Variants in SDK1 observed in about 807,000 individuals in gnomAD.
The protein encoded by SDK1 is sidekick cell adhesion molecule 1, also known as protein sidekick-1.
In SDK1, 157 loss-of-function variants were observed where a neutral mutation model predicts 245.5. The ratio of observed to expected loss-of-function variants is 0.64; its 90% CI spans 0.56 to 0.73. SDK1 has a LOEUF of 0.73. Ranked by LOEUF, SDK1 falls within the 30% of genes least tolerant of loss-of-function variation. The pLI is 0.00. For synonymous variants in SDK1, 1,647 were observed against 1,278.5 expected (o/e 1.29, Z -6.15); for missense variants, 3,583 against 3,002.3 (o/e 1.19, Z -4.52).
chr7:3,736,363 G>T (rs1385618920), intron 4 of SDK1, among the ~76,000 whole-genome samples: 1 of 152,138 alleles, frequency 6.6e-6, no homozygotes, highest in East Asian at 1.9e-4. Context: ...GCACGTCTCG[G>T]CTCACTGCGA....
chr7:3,870,765 G>C (rs992663738), intron 5 of SDK1, among the ~76,000 whole-genome samples: 4 of 152,044 alleles, frequency 2.6e-5, no homozygotes, highest in Non-Finnish European at 4.4e-5. Context: ...AGTTTATGTA[G>C]ATTTTACCCA....
chr7:3,712,464 A>G (rs1785076447), intron 4 of SDK1, among the ~76,000 whole-genome samples: 1 of 152,222 alleles, frequency 6.6e-6, no homozygotes, highest in African/African-American at 2.4e-5. Context: ...ACAGTGTAAT[A>G]ATAATAGAAT....
intron 1 of SDK1, among the ~76,000 whole-genome samples, chr7:3,442,810 G>GT (rs1231028163): frequency 6.6e-6 from 1 of 152,132 alleles, no homozygotes; most frequent in Non-Finnish European, 1.5e-5. Context: ...AATGTAAACT[G>GT]TTGAGTGAAC....
intron 2 of SDK1, among the ~76,000 whole-genome samples, chr7:3,625,000 T>C (rs561918459): frequency 2.6e-5 from 4 of 152,174 alleles, no homozygotes; most frequent in Middle Eastern, 3.4e-3. Flanking sequence ...GATCATGCCA[T>C]TGCACTCCAG....
intron 17 of SDK1, among the ~76,000 whole-genome samples, chr7:4,035,163 T>G (rs1788125346): frequency 6.6e-6 from 1 of 151,790 alleles, no homozygotes. Flanking sequence ...TTTCTTATCT[T>G]TAGTAGAGAT....
chr7:4,168,344 C>T (rs573937603), intron 32 of SDK1, among the ~76,000 whole-genome samples: 6 of 152,346 alleles, frequency 3.9e-5, no homozygotes, highest in Non-Finnish European at 5.9e-5. Context: ...CGGTGGCTGA[C>T]GGACACTGTG....
At chr7:3,730,490 T>C (rs577437646) in intron 4 of SDK1, among the ~76,000 whole-genome samples, 2 of 152,110 alleles carry the variant, frequency 1.3e-5, no homozygotes, top group Admixed American at 6.5e-5. Context: ...CAGAAGGTAA[T>C]AGAGATGTGA....
chr7:3,641,906 C>T lies in SDK1; in HGVS notation c.566-52C>T, dbSNP rs181771378. 8 of 1,518,090 alleles carry T rather than the reference C, an allele frequency of 5.3e-6. No individual in the cohort carries two copies. The African/African-American group carries it at 6.9e-5, about 13-fold the overall frequency. 94.0% of individuals were successfully genotyped at this position (1,518,090 alleles called of 1,614,324 possible). A position where few individuals can be genotyped will look rare whatever the true frequency, so the allele number is the denominator to read the frequency against. On this transcript the variant is annotated intron_variant, in intron 3 of 44. Coordinates refer to ENST00000404826, the MANE Select transcript of SDK1 (RefSeq NM_152744.4). ...ACCTGTTTCCATCTGTGACCCCTTC[C>T]CTCCCCCAAAAATGTTTTCTAGAAC... is the stretch of plus-strand genomic sequence containing the variant.
chr7:4,189,357 G>A (rs922530886), intron 35 of SDK1, among the ~76,000 whole-genome samples: 3 of 152,158 alleles, frequency 2.0e-5, no homozygotes, highest in Non-Finnish European at 2.9e-5. Context: ...TGGTTACTCA[G>A]GCATGTTAAA....
rs1470096397 is a variant in SDK1, at chr7:3,607,594, A to G, written c.299-11486A>G. Among the ~76,000 whole-genome samples the G allele has an allele frequency of 4.6e-5, 7 of 152,252 alleles. No homozygotes were observed. In the South Asian group the frequency reaches 1.0e-3, roughly 22 times the overall value. On this transcript the variant is annotated intron_variant, in intron 1 of 44. Coordinates refer to ENST00000404826, the MANE Select transcript of SDK1 (RefSeq NM_152744.4). Reference sequence around the variant, plus strand: ...ATCAAACCAATATCTAGACTTCTCTAGAATTCTGAAGTAATTGAAAGTATG... The same window carrying G: ...ATCAAACCAATATCTAGACTTCTCTGGAATTCTGAAGTAATTGAAAGTATG...
intron 1 of SDK1, among the ~76,000 whole-genome samples, chr7:3,608,398 A>G (rs75151964): frequency 0.031 from 4,770 of 152,248 alleles, 225 homozygotes; most frequent in African/African-American, 0.1. Flanking sequence ...CAGAAAAACT[A>G]TGGTAATTTA....
chr7:3,583,516 G>T (rs181439637), intron 1 of SDK1, among the ~76,000 whole-genome samples: 1 of 152,160 alleles, frequency 6.6e-6, no homozygotes, highest in African/African-American at 2.4e-5. Flanking sequence ...ATCTTGAGAG[G>T]TTGCATCTGT....
chr7:4,090,273 G>T (rs568128133), intron 22 of SDK1, among the ~76,000 whole-genome samples: 26 of 152,112 alleles, frequency 1.7e-4, no homozygotes, highest in African/African-American at 5.6e-4. Flanking sequence ...TCTCTTTCCA[G>T]TCTCATCCAC....
chr7:4,079,149 C>A (rs1780895146), intron 21 of SDK1, among the ~76,000 whole-genome samples: 1 of 152,198 alleles, frequency 6.6e-6, no homozygotes, highest in Non-Finnish European at 1.5e-5. Context: ...ATTCAGCCAG[C>A]ATCTGTTAAT....
intron 1 of SDK1, among the ~76,000 whole-genome samples, chr7:3,550,320 G>C (rs1237698863): frequency 6.6e-6 from 1 of 152,028 alleles, no homozygotes; most frequent in Non-Finnish European, 1.5e-5. Context: ...GTAGTCATTT[G>C]CGTTTTCTTC....
chr7:3,562,458 A>T (rs771964123), intron 1 of SDK1, among the ~76,000 whole-genome samples: 2 of 152,174 alleles, frequency 1.3e-5, no homozygotes, highest in Non-Finnish European at 2.9e-5. Flanking sequence ...AAAGAATAAA[A>T]GCTAGAGGGA....
chr7:3,885,585 C>T (rs993355729), intron 5 of SDK1, among the ~76,000 whole-genome samples: 1 of 152,184 alleles, frequency 6.6e-6, no homozygotes, highest in Non-Finnish European at 1.5e-5. Context: ...GCCCTGCCTT[C>T]CTCCCTCTTG....
At chr7:3,807,394 C>T (rs754460152) in intron 4 of SDK1, among the ~76,000 whole-genome samples, 4 of 152,186 alleles carry the variant, frequency 2.6e-5, no homozygotes, top group Admixed American at 6.5e-5. Context: ...GTGGTATAGT[C>T]GCGCTCCCGG....
rs1788503931 is a variant in SDK1 at position 4,266,874 on chromosome 7, G to T, written c.*1490G>T. On this transcript the variant is annotated 3_prime_UTR_variant, in exon 45 of 45. Coordinates refer to ENST00000404826, the MANE Select transcript of SDK1 (RefSeq NM_152744.4). ...AAGACCACCCTGTCAGTGCCCCCCAGTGCACGGCAAACGGGCAGGTGCCGT... is the reference window on the plus strand; with the variant it reads ...AAGACCACCCTGTCAGTGCCCCCCATTGCACGGCAAACGGGCAGGTGCCGT... 1 of 985,524 alleles carries T rather than the reference G, an allele frequency of 1.0e-6. No homozygotes were observed. The highest frequency in any genetic ancestry group is 1.2e-6 in the Non-Finnish European group (1 of 830,002). 61.0% of individuals were successfully genotyped at this position (985,524 alleles called of 1,614,324 possible).
Sources: allele counts gnomAD v4.1 joint callset (sites outside exome capture counted in the v4.1 genomes callset), GRCh38; gene constraint gnomAD v4.1.1; transcripts MANE v1.5; gene names NCBI Gene and HGNC (gene_info 2026-07-23, HGNC 2026-07-21).